The following USP40 variants were observed in gnomAD, a reference collection of about 807,000 sequenced individuals.
USP40 encodes the protein ubiquitin carboxyl-terminal hydrolase 40.
Under a neutral mutation model 166.2 loss-of-function variants are expected in USP40, and 143 were observed. The ratio of observed to expected loss-of-function variants is 0.86; its 90% CI spans 0.75 to 0.99. The LOEUF (loss-of-function observed/expected upper bound fraction) is 0.99, where lower values mean the gene tolerates loss of function less well. Among genes scored for constraint, USP40 ranks in the 50% least tolerant of loss-of-function variants. USP40 has a pLI of 0.00. For missense variants in USP40, 1,444 were observed against 1,479.7 expected (o/e 0.98, Z 0.40); for synonymous variants, 498 against 524.0 (o/e 0.95, Z 0.68).
chr2:233,482,723 T>C (rs2125032373), intron 30 of USP40, among the ~76,000 whole-genome samples: 1 of 152,106 alleles, frequency 6.6e-6, no homozygotes, highest in African/African-American at 2.4e-5. Flanking sequence ...CCCAAGAAGC[T>C]GGGTTTTGCC....
chr2:233,509,204 T>C (rs1273273490), intron 21 of USP40, among the ~76,000 whole-genome samples: 1 of 152,230 alleles, frequency 6.6e-6, no homozygotes, highest in African/African-American at 2.4e-5. Flanking sequence ...AGAAAAAATA[T>C]ATGAAGCTCA....
At chr2:233,501,430 G>T (rs1347150811) in intron 21 of USP40, among the ~76,000 whole-genome samples, 1 of 152,214 alleles carries the variant, frequency 6.6e-6, no homozygotes, top group African/African-American at 2.4e-5. Context: ...GAGTATAGGA[G>T]TGACTAATCT....
chr2:233,561,703 A>C (rs188713683), intron 3 of USP40, among the ~76,000 whole-genome samples: 9 of 151,314 alleles, frequency 5.9e-5, no homozygotes, highest in Admixed American at 2.0e-4. Context: ...GCAACCAAAG[A>C]CAAAATTGAC....
At chr2:233,504,572 G>A (rs1047335391) in intron 21 of USP40, among the ~76,000 whole-genome samples, 2 of 151,772 alleles carry the variant, frequency 1.3e-5, no homozygotes, top group South Asian at 4.1e-4. Flanking sequence ...GTAGAAGAAG[G>A]TCATTATATA....
At chr2:233,533,038 T>C (rs981895458) in intron 11 of USP40, among the ~76,000 whole-genome samples, 4 of 151,592 alleles carry the variant, frequency 2.6e-5, no homozygotes, top group Middle Eastern at 3.2e-3. Flanking sequence ...AAATAAAAGA[T>C]ATAAATAAGC....
In USP40 at chr2:233,533,463, A is replaced by G. The variant is rs773073474; in HGVS notation, c.1471+16T>C. ...GCCATTAACTGAAACAAATAGGAAC[A>G]TTTTTCTTTCCATACCTTCAGGGGG... On this transcript the variant is annotated intron_variant, in intron 11 of 31. Coordinates refer to ENST00000678225, the MANE Select transcript of USP40 (RefSeq NM_001365479.2). 1.3e-6 allele frequency: 2 copies of G among 1,599,838 alleles called. No individual in the cohort carries two copies. Among genetic ancestry groups the G allele is most frequent in the African/African-American group, 2.7e-5 (2 of 74,230 alleles).
chr2:233,535,623 C>G (rs1490980256), intron 10 of USP40, among the ~76,000 whole-genome samples: 2 of 152,094 alleles, frequency 1.3e-5, no homozygotes, highest in Non-Finnish European at 2.9e-5. Flanking sequence ...TCCACAGAAT[C>G]TAAAAGACTC....
chr2:233,500,548 G>A (rs970725755), intron 21 of USP40, among the ~76,000 whole-genome samples: 2 of 152,084 alleles, frequency 1.3e-5, no homozygotes, highest in African/African-American at 2.4e-5. Flanking sequence ...TTACACTAGA[G>A]CAAAAGAGAG....
intron 20 of USP40, 108 bp from the exon 21 acceptor site, chr2:233,510,243 C>T: frequency 4.1e-6 from 3 of 727,712 alleles, no homozygotes; most frequent in Non-Finnish European, 6.6e-6. Flanking sequence ...GAAACTTTAA[C>T]AAAAAATCTC....
At chr2:233,524,704 G>T in intron 14 of USP40, 142 bp from the exon 15 acceptor site, 2 of 597,446 alleles carry the variant, frequency 3.3e-6, no homozygotes, top group Non-Finnish European at 5.3e-6. Context: ...TTATTCTATT[G>T]ACATTATTTC....
rs186925275 is a variant in USP40 at position 233,489,405 on chromosome 2, G to A, written c.3091C>T (p.Arg1031Cys). ...TCAGTTCGTAAAAGCCTGCCTGGGC[G>A]CTTCCTCTCCACCGTCCAGGCTCTG... is the stretch of plus-strand genomic sequence containing the variant. ...HLRAWTVERKRPGRLLRTDRQ... is the reference protein window; with the variant it reads ...HLRAWTVERKCPGRLLRTDRQ... The change falls in exon 27 of 32, where the codon CGC becomes TGC. Residue 1031 changes from arginine to cysteine, a missense_variant. Transcript: ENST00000678225. The A allele has an allele frequency of 2.6e-5, 42 of 1,602,818 alleles. No homozygotes were observed. The highest frequency in any genetic ancestry group is 9.0e-5 in the South Asian group (8 of 88,458).
intron 5 of USP40, among the ~76,000 whole-genome samples, chr2:233,555,851 A>T (rs935027054): frequency 1.3e-5 from 2 of 152,084 alleles, no homozygotes; most frequent in Non-Finnish European, 2.9e-5. Context: ...GCGGTGGCTC[A>T]TGCCTGTAAT....
At chr2:233,482,556 C>A (rs1229331668) in intron 30 of USP40, among the ~76,000 whole-genome samples, 3 of 151,448 alleles carry the variant, frequency 2.0e-5, no homozygotes, top group African/African-American at 7.3e-5. Context: ...TCCAGAGTAG[C>A]TGTACCAACT....
At chr2:233,530,080 A>C (rs1258661155) in intron 11 of USP40, among the ~76,000 whole-genome samples, 2 of 151,772 alleles carry the variant, frequency 1.3e-5, no homozygotes, top group Non-Finnish European at 2.9e-5. Context: ...GATTAAAGGC[A>C]TAAGCCACCA....
intron 3 of USP40, chr2:233,560,920 G>C: frequency 1.5e-6 from 1 of 658,722 alleles, no homozygotes; most frequent in Non-Finnish European, 2.8e-6. Flanking sequence ...GAAAGAATAA[G>C]CATAGTAAAG....
intron 9 of USP40, among the ~76,000 whole-genome samples, chr2:233,541,942 TAAAG>T (rs2069457133): frequency 6.6e-6 from 1 of 152,156 alleles, no homozygotes; most frequent in African/African-American, 2.4e-5. Flanking sequence ...TATATAAACA[TAAAG>T]AAAACAGAAT....
intron 24 of USP40, among the ~76,000 whole-genome samples, chr2:233,494,979 TACAC>T (rs1553558238): frequency 9.3e-5 from 7 of 74,908 alleles, no homozygotes; most frequent in South Asian, 3.7e-4. Flanking sequence ...TATATATATA[TACAC>T]ACACATAAAA....
At chr2:233,559,358 C>T (rs1307736114) in intron 4 of USP40, among the ~76,000 whole-genome samples, 2 of 152,176 alleles carry the variant, frequency 1.3e-5, no homozygotes, top group Non-Finnish European at 2.9e-5. Flanking sequence ...CAAATCAGAA[C>T]ATGTGGATTC....
At chr2:233,557,092 G>T in intron 4 of USP40, 73 bp from the exon 5 acceptor site, 1 of 1,357,922 alleles carries the variant, frequency 7.4e-7, no homozygotes, top group Non-Finnish European at 1.0e-6. Context: ...ACAAACATTA[G>T]TCAATAAAAA....
Sources: gnomAD v4.1 joint callset for allele counts (sites outside exome capture counted in the v4.1 genomes callset) on GRCh38, gnomAD v4.1.1 for gene constraint, MANE v1.5 for transcripts, NCBI Gene and HGNC (gene_info 2026-07-23, HGNC 2026-07-21) for gene names.